Variants in HS6ST2 observed in about 807,000 individuals in gnomAD.
HS6ST2 encodes the protein heparan-sulfate 6-O-sulfotransferase 2.
A neutral mutation model predicts 33.0 loss-of-function variants in HS6ST2; 17 were observed. The observed-to-expected ratio is 0.52, with a 90% CI of 0.35 to 0.77. The LOEUF is 0.77. HS6ST2 is among the 30% of genes least tolerant of loss of function. The pLI, the probability that HS6ST2 is intolerant of heterozygous loss-of-function variation, is 0.01. For missense variants in HS6ST2, 519 were observed against 551.7 expected (o/e 0.94, Z 0.59); for synonymous variants, 248 against 237.1 (o/e 1.05, Z -0.42).
At chrX:132,714,183 C>A (rs2064254623) in intron 2 of HS6ST2, among the ~76,000 whole-genome samples, 1 of 111,554 alleles carries the variant, frequency 9.0e-6, no homozygotes, top group Non-Finnish European at 1.9e-5. Flanking sequence ...AAAACTGATA[C>A]CCCAATGCCA....
intron 4 of HS6ST2, among the ~76,000 whole-genome samples, chrX:132,649,781 C>A (rs1380173930): frequency 2.7e-5 from 3 of 109,903 alleles, no homozygotes; most frequent in African/African-American, 6.6e-5. Flanking sequence ...TCTCTTGAAC[C>A]CAGGAGGCGG....
At chrX:132,870,646 A>T (rs1223670088) in intron 2 of HS6ST2, among the ~76,000 whole-genome samples, 1 of 111,503 alleles carries the variant, frequency 9.0e-6, no homozygotes, top group Non-Finnish European at 1.9e-5. Context: ...TGACAAAACT[A>T]TCAAAAACAA....
At chrX:132,845,922 G>T (rs1422162455) in intron 2 of HS6ST2, among the ~76,000 whole-genome samples, 1 of 111,500 alleles carries the variant, frequency 9.0e-6, no homozygotes, top group African/African-American at 3.3e-5. Context: ...CCAGGGATTG[G>T]CATGCTTTTC....
intron 2 of HS6ST2, among the ~76,000 whole-genome samples, chrX:132,944,644 G>A (rs766991853): frequency 7.8e-4 from 87 of 111,080 alleles, no homozygotes; most frequent in Non-Finnish European, 1.3e-3. Flanking sequence ...TGGTACTGCT[G>A]CCAAAACAGA....
intron 2 of HS6ST2, among the ~76,000 whole-genome samples, chrX:132,881,577 C>A (rs2148441329): frequency 9.0e-6 from 1 of 111,527 alleles, no homozygotes; most frequent in Admixed American, 9.5e-5. Flanking sequence ...TGTAGGTTGC[C>A]TGTTCACTCT....
At chrX:132,734,968 A>T (rs2064494994) in intron 2 of HS6ST2, 1 of 109,761 alleles carries the variant, frequency 9.1e-6, no homozygotes. Flanking sequence ...TTCCAGAAAG[A>T]AAGTTGGTGG....
intron 2 of HS6ST2, among the ~76,000 whole-genome samples, chrX:132,838,321 G>A (rs1015749922): frequency 3.6e-5 from 4 of 111,374 alleles, no homozygotes; most frequent in African/African-American, 6.6e-5. Context: ...GGAACCATCC[G>A]CTGGTTGCCC....
At chrX:132,871,552 T>C (rs1424116695) in intron 2 of HS6ST2, among the ~76,000 whole-genome samples, 1 of 111,982 alleles carries the variant, frequency 8.9e-6, no homozygotes, top group Non-Finnish European at 1.9e-5. Context: ...AATGACAGAC[T>C]GGATAAAGAA....
chrX:132,824,327 G>C (rs1438306655), intron 2 of HS6ST2, among the ~76,000 whole-genome samples: 1 of 111,919 alleles, frequency 8.9e-6, no homozygotes, highest in Non-Finnish European at 1.9e-5. Flanking sequence ...CAAGCACCAG[G>C]TCCCAGCAAA....
chrX:132,651,085 C>A (rs1028883048), intron 4 of HS6ST2, among the ~76,000 whole-genome samples: 1 of 111,844 alleles, frequency 8.9e-6, no homozygotes, highest in Admixed American at 9.5e-5. Flanking sequence ...TGCTTAATGG[C>A]ATTATTTCTG....
chrX:132,880,238 T>TA (rs200525326), intron 2 of HS6ST2, among the ~76,000 whole-genome samples: 1,139 of 111,623 alleles, frequency 0.01, 7 homozygotes, highest in Non-Finnish European at 0.017. Context: ...TAAATACTGG[T>TA]AAAAAAGTTC....
Position 132,957,196 on chromosome X carries a change from T to C in HS6ST2, c.559A>G (p.Ser187Gly). Residue 187 changes from serine to glycine, a missense_variant, in exon 2 of 5, where the codon AGC (serine) becomes GGC (glycine). By Grantham distance (56) the Ser-to-Gly change is moderately conservative. Coordinates refer to ENST00000370833, the MANE Select transcript of HS6ST2 (RefSeq NM_001394073.1). ...CGGTACGGGTCCGGCACCGGGGAGCTGAACGCCTGCAGGCGGAGGAGCTGG... is the reference window on the plus strand; with the variant it reads ...CGGTACGGGTCCGGCACCGGGGAGCCGAACGCCTGCAGGCGGAGGAGCTGG... Reference protein sequence around the residue: ...ECQLLRLQAFSSPVPDPYRSE... With the variant: ...ECQLLRLQAFGSPVPDPYRSE... The C allele has an allele frequency of 8.3e-7, 1 of 1,210,992 alleles. No individual in the cohort carries two copies. Among genetic ancestry groups the C allele is most frequent in the Non-Finnish European group, 1.1e-6 (1 of 895,008 alleles).
intron 4 of HS6ST2, among the ~76,000 whole-genome samples, chrX:132,651,609 A>G (rs925078667): frequency 1.8e-5 from 2 of 112,240 alleles, no homozygotes; most frequent in African/African-American, 6.5e-5. Context: ...TTTAACTTCA[A>G]GATGTCTTAC....
chrX:132,807,983 T>A (rs1304458512), intron 2 of HS6ST2, among the ~76,000 whole-genome samples: 3 of 111,800 alleles, frequency 2.7e-5, no homozygotes, highest in African/African-American at 9.7e-5. Context: ...TATAAGACAA[T>A]TCCAATTTGG....
chrX:132,829,133 A>G (rs181289540), intron 2 of HS6ST2, among the ~76,000 whole-genome samples: 1,024 of 95,430 alleles, frequency 0.011, 8 homozygotes, highest in South Asian at 0.043. Context: ...TCTAAGCTGG[A>G]AAGTATCTAA....
At chrX:132,712,947 C>T (rs945844799) in intron 2 of HS6ST2, among the ~76,000 whole-genome samples, 1 of 111,071 alleles carries the variant, frequency 9.0e-6, no homozygotes, top group Non-Finnish European at 1.9e-5. Flanking sequence ...ATCACTTGAA[C>T]CCGGGAGGAG....
chrX:132,864,160 G>A (rs1259002186), intron 2 of HS6ST2, among the ~76,000 whole-genome samples: 8 of 109,590 alleles, frequency 7.3e-5, no homozygotes, highest in Admixed American at 2.0e-4. Flanking sequence ...ATCACAAAAC[G>A]GCTGAAAATT....
chrX:132,764,766 G>A (rs1353275106), intron 2 of HS6ST2, among the ~76,000 whole-genome samples: 1 of 111,931 alleles, frequency 8.9e-6, no homozygotes, highest in Non-Finnish European at 1.9e-5. Flanking sequence ...AAACAAAGGT[G>A]TGATTTCAGG....
intron 2 of HS6ST2, among the ~76,000 whole-genome samples, chrX:132,815,675 C>T (rs1411404566): frequency 8.9e-6 from 1 of 111,901 alleles, no homozygotes; most frequent in Admixed American, 9.5e-5. Context: ...AAGATTATAT[C>T]TGATGATCTT....
Sources: allele counts gnomAD v4.1 joint callset (sites outside exome capture counted in the v4.1 genomes callset), GRCh38; gene constraint gnomAD v4.1.1; transcripts MANE v1.5; gene names NCBI Gene and HGNC (gene_info 2026-07-23, HGNC 2026-07-21).